The following CNTNAP2 variants were observed in gnomAD, a reference collection of about 807,000 sequenced individuals.
CNTNAP2 encodes contactin-associated protein-like 2.
CNTNAP2 carries 98 observed loss-of-function variants against 155.2 expected under a neutral mutation model. That is an observed-to-expected ratio of 0.63 (90% confidence interval 0.54 to 0.75). The LOEUF is 0.75. Among genes scored for constraint, CNTNAP2 ranks in the 30% least tolerant of loss-of-function variants. CNTNAP2 has a pLI of 0.00. For synonymous variants in CNTNAP2, 651 were observed against 631.2 expected (o/e 1.03, Z -0.47); for missense variants, 1,727 against 1,688.1 (o/e 1.02, Z -0.40).
At chr7:147,630,487 C>A (rs1584867536) in intron 12 of CNTNAP2, among the ~76,000 whole-genome samples, 1 of 152,012 alleles carries the variant, frequency 6.6e-6, no homozygotes, top group Non-Finnish European at 1.5e-5. Flanking sequence ...GTCAATATCA[C>A]CCTAATACCA....
intron 15 of CNTNAP2, among the ~76,000 whole-genome samples, chr7:147,997,194 C>T (rs953127635): frequency 4.6e-5 from 7 of 152,342 alleles, no homozygotes; most frequent in African/African-American, 1.7e-4. Context: ...GTAGCCCAGA[C>T]ACACTAAGAC....
chr7:146,779,844 T>C (rs1202057873), intron 2 of CNTNAP2, among the ~76,000 whole-genome samples: 2 of 152,208 alleles, frequency 1.3e-5, no homozygotes, highest in Non-Finnish European at 2.9e-5. Flanking sequence ...GAAAACACAT[T>C]GCACTTGCGG....
At chr7:148,241,363 T>G (rs1477957469) in intron 20 of CNTNAP2, among the ~76,000 whole-genome samples, 1 of 152,234 alleles carries the variant, frequency 6.6e-6, no homozygotes, top group Non-Finnish European at 1.5e-5. Flanking sequence ...GACTATGGTT[T>G]CTTTCCATTG....
At chr7:147,825,741 G>C (rs529426324) in intron 13 of CNTNAP2, among the ~76,000 whole-genome samples, 54 of 152,178 alleles carry the variant, frequency 3.5e-4, no homozygotes, top group Middle Eastern at 3.4e-3. Context: ...GAGAAGAAAT[G>C]AGAGAAGAGA....
At chr7:148,283,330 AAG>A (rs1797022232) in intron 21 of CNTNAP2, among the ~76,000 whole-genome samples, 1 of 128,790 alleles carries the variant, frequency 7.8e-6, no homozygotes, top group African/African-American at 3.4e-5. Flanking sequence ...GAAAGAAAGA[AAG>A]AATTCTTATT....
rs113825377 is a variant in CNTNAP2, at chr7:147,125,224, C to A, written c.940-3469C>A. Among the ~76,000 whole-genome samples the A allele has an allele frequency of 8.8e-3, 1,339 of 152,128 alleles. 16 individuals are homozygous for A. The highest frequency in any genetic ancestry group is 0.031 in the African/African-American group (1,291 of 41,496). Reference sequence around the variant, plus strand: ...TATAGATGGGGTTTCACCATGTCGACCAGGATGGTCTCGATCTCTTGGCCT... The same window carrying A: ...TATAGATGGGGTTTCACCATGTCGAACAGGATGGTCTCGATCTCTTGGCCT... On this transcript the variant is annotated intron_variant, in intron 6 of 23. Transcript: ENST00000361727.
At chr7:147,144,871 T>A (rs1039400448) in intron 8 of CNTNAP2, among the ~76,000 whole-genome samples, 2 of 152,160 alleles carry the variant, frequency 1.3e-5, no homozygotes, top group Non-Finnish European at 2.9e-5. Context: ...CGGTATTGTG[T>A]GAGTGCGTGG....
chr7:147,635,879 G>C (rs1194452770), intron 12 of CNTNAP2, among the ~76,000 whole-genome samples: 1 of 152,088 alleles, frequency 6.6e-6, no homozygotes, highest in Admixed American at 6.6e-5. Context: ...GCAGGACAAG[G>C]CTCTTGATAG....
At chr7:146,346,358 T>G (rs1794819112) in intron 1 of CNTNAP2, among the ~76,000 whole-genome samples, 1 of 152,198 alleles carries the variant, frequency 6.6e-6, no homozygotes, top group Non-Finnish European at 1.5e-5. Context: ...CAACTGTGCA[T>G]GCAAATGAGC....
At chr7:146,455,202 G>A (rs892301938) in intron 1 of CNTNAP2, among the ~76,000 whole-genome samples, 1 of 152,150 alleles carries the variant, frequency 6.6e-6, no homozygotes, top group Non-Finnish European at 1.5e-5. Context: ...ATCAATCATG[G>A]CAAATACCCT....
At chr7:146,242,632 TA>T (rs1799582165) in intron 1 of CNTNAP2, among the ~76,000 whole-genome samples, 1 of 152,192 alleles carries the variant, frequency 6.6e-6, no homozygotes, top group South Asian at 2.1e-4. Context: ...AGACATTAGT[TA>T]TCTGAAAACT....
intron 11 of CNTNAP2, among the ~76,000 whole-genome samples, chr7:147,518,410 C>G (rs1283590824): frequency 2.0e-5 from 3 of 152,108 alleles, no homozygotes; most frequent in Non-Finnish European, 2.9e-5. Flanking sequence ...AGGAGACAGG[C>G]AAGATGCTGA....
chr7:146,375,130 C>T (rs1482058069), intron 1 of CNTNAP2, among the ~76,000 whole-genome samples: 1 of 152,206 alleles, frequency 6.6e-6, no homozygotes, highest in Non-Finnish European at 1.5e-5. Flanking sequence ...ATGTCATTTC[C>T]CTCATTTCAC....
chr7:147,831,538 T>G (rs1025264415), intron 13 of CNTNAP2, among the ~76,000 whole-genome samples: 1 of 152,222 alleles, frequency 6.6e-6, no homozygotes, highest in African/African-American at 2.4e-5. Flanking sequence ...GAACAACGTG[T>G]AAGACACATG....
chr7:146,415,231 C>CACACAT (rs1795922307), intron 1 of CNTNAP2, among the ~76,000 whole-genome samples: 1 of 151,988 alleles, frequency 6.6e-6, no homozygotes, highest in Admixed American at 6.6e-5. Flanking sequence ...CCACACCACA[C>CACACAT]ACACATACAC....
At chr7:146,469,964 C>T (rs1213677016) in intron 1 of CNTNAP2, among the ~76,000 whole-genome samples, 4 of 151,688 alleles carry the variant, frequency 2.6e-5, no homozygotes, top group East Asian at 1.9e-4. Flanking sequence ...CTCAGCCTCC[C>T]GAGTAGCTGG....
chr7:146,675,295 G>T (rs564761780), intron 1 of CNTNAP2, among the ~76,000 whole-genome samples: 22 of 152,170 alleles, frequency 1.4e-4, no homozygotes, highest in East Asian at 1.2e-3. Context: ...TGTTTGGTCA[G>T]AAAGAATTCT....
intron 1 of CNTNAP2, among the ~76,000 whole-genome samples, chr7:146,654,291 C>T (rs1412980948): frequency 6.6e-6 from 1 of 151,864 alleles, no homozygotes. Context: ...ACAGCGGCTC[C>T]AAGCAGATAG....
intron 8 of CNTNAP2, among the ~76,000 whole-genome samples, chr7:147,233,137 C>T (rs192473598): frequency 8.6e-4 from 131 of 152,272 alleles, no homozygotes; most frequent in Non-Finnish European, 1.7e-3. Flanking sequence ...TCTTTATAAA[C>T]AGATGACTTA....
Sources: gnomAD v4.1 joint callset for allele counts (sites outside exome capture counted in the v4.1 genomes callset) on GRCh38, gnomAD v4.1.1 for gene constraint, MANE v1.5 for transcripts, NCBI Gene and HGNC (gene_info 2026-07-23, HGNC 2026-07-21) for gene names.